FGD4: variants seen among roughly 807,000 people sequenced by gnomAD.
FGD4 encodes FYVE, RhoGEF and PH domain-containing protein 4.
FGD4 carries 42 observed loss-of-function variants against 102.0 expected under a neutral mutation model. The ratio of observed to expected loss-of-function variants is 0.41; its 90% confidence interval spans 0.32 to 0.53. The LOEUF (loss-of-function observed/expected upper bound fraction) is 0.53. Ranked by LOEUF, FGD4 falls within the 20% of genes least tolerant of loss-of-function variation. The probability of loss-of-function intolerance (pLI) is 0.21; values close to 1 mark genes in which losing one functional copy is unlikely to be tolerated. For synonymous variants in FGD4, 380 were observed against 375.7 expected (o/e 1.01, Z -0.13); for missense variants, 902 against 1,078.2 (o/e 0.84, Z 2.29).
At chr12:32,610,089 G>A (rs181259435) in intron 8 of FGD4, among the ~76,000 whole-genome samples, 29 of 152,194 alleles carry the variant, frequency 1.9e-4, no homozygotes, top group Non-Finnish European at 2.1e-4. Flanking sequence ...TATGCTTAGT[G>A]GTTAATTTGC....
At chr12:32,624,044 G>A (rs1279962036) in intron 11 of FGD4, among the ~76,000 whole-genome samples, 1 of 152,138 alleles carries the variant, frequency 6.6e-6, no homozygotes, top group African/African-American at 2.4e-5. Context: ...TCTAAGATGG[G>A]CTGTGAATAG....
At chr12:32,427,210 G>C (rs776543954) in intron 1 of FGD4, among the ~76,000 whole-genome samples, 2 of 152,058 alleles carry the variant, frequency 1.3e-5, no homozygotes, top group Non-Finnish European at 2.9e-5. Flanking sequence ...TTAATGCTAT[G>C]AATTTCCCTC....
intron 10 of FGD4, among the ~76,000 whole-genome samples, chr12:32,616,685 C>T (rs970410527): frequency 1.3e-5 from 2 of 152,184 alleles, no homozygotes; most frequent in Admixed American, 1.3e-4. Context: ...ATACATTTGT[C>T]TGGAAAACCA....
Position 32,621,204 on chromosome 12 carries a change from C to T in FGD4, c.1922+1334C>T, listed in dbSNP as rs61056634. Among the ~76,000 whole-genome samples, 8 of 152,034 alleles carry T rather than the reference C, an allele frequency of 5.3e-5. No homozygotes were observed. The South Asian group carries it at 1.0e-3, about 20-fold the overall frequency. On this transcript the variant is annotated intron_variant, in intron 11 of 16. Transcript: ENST00000534526. Reference sequence around the variant, plus strand: ...AGCCTGGCCAACATGGCAAAACCCCCGTCTTTGCTAAAACTACAAAAATTA... The same window carrying T: ...AGCCTGGCCAACATGGCAAAACCCCTGTCTTTGCTAAAACTACAAAAATTA...
chr12:32,549,931 C>T (rs1375850229), intron 1 of FGD4, among the ~76,000 whole-genome samples: 2 of 152,212 alleles, frequency 1.3e-5, no homozygotes, highest in East Asian at 1.9e-4. Flanking sequence ...TTCCTCAGCA[C>T]GTCTCCAGCG....
chr12:32,500,119 G>A (rs932848923), intron 1 of FGD4, among the ~76,000 whole-genome samples: 16 of 152,156 alleles, frequency 1.1e-4, no homozygotes, highest in East Asian at 1.9e-4. Flanking sequence ...GTGGTGTAGC[G>A]CAATGACTTA....
chr12:32,490,146 G>A (rs78723950), intron 1 of FGD4, among the ~76,000 whole-genome samples: 3,323 of 152,274 alleles, frequency 0.022, 55 homozygotes, highest in Non-Finnish European at 0.033. Flanking sequence ...AGAAGTAGGA[G>A]TGAAGATTCT....
intron 10 of FGD4, among the ~76,000 whole-genome samples, chr12:32,617,738 G>C (rs2136851935): frequency 6.6e-6 from 1 of 152,358 alleles, no homozygotes; most frequent in Admixed American, 6.5e-5. Context: ...AACCCAAAGA[G>C]AAGTAATTAT....
intron 1 of FGD4, among the ~76,000 whole-genome samples, chr12:32,408,487 G>C (rs1207315072): frequency 2.0e-5 from 3 of 152,084 alleles, no homozygotes; most frequent in Non-Finnish European, 4.4e-5. Context: ...ATTTTTAATA[G>C]AGATGGGGTT....
intron 11 of FGD4, among the ~76,000 whole-genome samples, chr12:32,622,134 C>A (rs1949878706): frequency 6.6e-6 from 1 of 152,228 alleles, no homozygotes; most frequent in African/African-American, 2.4e-5. Context: ...ATCCACCCGC[C>A]TTGGCCTTCC....
Position 32,640,335 on chromosome 12 carries a change from G to C in FGD4, c.2514G>C (p.Arg838Ser). 1 of 1,614,172 alleles carries C rather than the reference G, an allele frequency of 6.2e-7. No homozygotes were observed. Among genetic ancestry groups the C allele is most frequent in the Non-Finnish European group, 8.5e-7 (1 of 1,180,028 alleles). The change falls in exon 17 of 17, where the codon AGG becomes AGC. Residue 838 changes from arginine (R) to serine (S), a missense_variant. This residue lies in a region of FGD4 where 459 missense variants were observed against 619.0 expected (regional missense o/e 0.74). Transcript: ENST00000534526. ...GCTATGTGGTGGATGAAATGCCAAG[G>C]AGCGCAGACCTGCCACACAGTTTCA... is the stretch of plus-strand genomic sequence containing the variant. ...LLGYVVDEMPRSADLPHSFKL... is the reference protein window; with the variant it reads ...LLGYVVDEMPSSADLPHSFKL...
At position 32,642,063 on chromosome 12, in the gene FGD4, T is replaced by C. The variant is rs1180856784; in HGVS notation, c.*1530T>C. On this transcript the variant is annotated 3_prime_UTR_variant, in exon 17 of 17. Coordinates refer to ENST00000534526, the MANE Select transcript of FGD4 (RefSeq NM_001370298.3). ...GAATTTGAGACTGCCACACATTTAT[T>C]CAGGCCTTGTTACTTTAAGAAATAT... is the stretch of plus-strand genomic sequence containing the variant. The C allele has an allele frequency of 1.3e-5, 2 of 152,166 alleles. No individual in the cohort carries two copies. The highest frequency in any genetic ancestry group is 2.9e-5 in the Non-Finnish European group (2 of 67,998). 9.4% of individuals were successfully genotyped at this position (152,166 alleles called of 1,614,324 possible).
chr12:32,488,258 A>G (rs1462997591), intron 1 of FGD4, among the ~76,000 whole-genome samples: 1 of 152,132 alleles, frequency 6.6e-6, no homozygotes, highest in East Asian at 1.9e-4. Context: ...ACAGACTTGC[A>G]CCAAGATAGT....
chr12:32,503,650 T>G (rs1938426902), intron 1 of FGD4, among the ~76,000 whole-genome samples: 1 of 152,220 alleles, frequency 6.6e-6, no homozygotes, highest in African/African-American at 2.4e-5. Context: ...TTAGTTTAGC[T>G]ACATACTAGC....
At chr12:32,474,017 G>A (rs1045213443) in intron 1 of FGD4, among the ~76,000 whole-genome samples, 11 of 152,088 alleles carry the variant, frequency 7.2e-5, no homozygotes, top group Non-Finnish European at 1.3e-4. Context: ...GAACCCAGGA[G>A]GCAGAGGTTG....
intron 1 of FGD4, among the ~76,000 whole-genome samples, chr12:32,489,138 T>C (rs910720185): frequency 1.3e-5 from 2 of 152,230 alleles, no homozygotes; most frequent in Non-Finnish European, 2.9e-5. Flanking sequence ...TCTTTTTGTA[T>C]TTCATGCATC....
At chr12:32,602,072 G>T in intron 6 of FGD4, 89 bp from the exon 7 acceptor site, 1 of 1,174,526 alleles carries the variant, frequency 8.5e-7, no homozygotes, top group South Asian at 1.3e-5. Context: ...CTGTGATAAT[G>T]CCACTGCACT....
intron 1 of FGD4, among the ~76,000 whole-genome samples, chr12:32,432,161 A>G (rs1254974347): frequency 6.8e-6 from 1 of 146,908 alleles, no homozygotes; most frequent in African/African-American, 2.5e-5. Flanking sequence ...CTGGGTTCAC[A>G]CCATTCTCCT....
chr12:32,480,479 CTT>C (rs757620944), intron 1 of FGD4, among the ~76,000 whole-genome samples: 1 of 151,076 alleles, frequency 6.6e-6, no homozygotes. Context: ...TTTTTCTTCT[CTT>C]TTTTCTTTTC....
Sources: gnomAD v4.1 joint callset for allele counts (sites outside exome capture counted in the v4.1 genomes callset) on GRCh38, gnomAD v4.1.1 for gene constraint, gnomAD v4.1.1 regional missense constraint, MANE v1.5 for transcripts, NCBI Gene and HGNC (gene_info 2026-07-23, HGNC 2026-07-21) for gene names.